Variants in PCDH15 observed in about 807,000 individuals in gnomAD.
PCDH15 encodes the protein protocadherin-15.
PCDH15 carries 129 observed loss-of-function variants against 178.5 expected under a neutral mutation model. That is an observed-to-expected ratio of 0.72 (90% CI 0.63 to 0.84). The LOEUF (loss-of-function observed/expected upper bound fraction) is 0.84, where lower values mean the gene tolerates loss of function less well. Among genes scored for constraint, PCDH15 ranks in the 40% least tolerant of loss-of-function variants. PCDH15 has a pLI of 0.00. For missense variants in PCDH15, 2,230 were observed against 2,099.9 expected, an observed-to-expected ratio of 1.06 and a Z score of -1.21; for synonymous variants, 800 against 732.0, an observed-to-expected ratio of 1.09 and a Z score of -1.50.
At chr10:54,577,526 T>C (rs560335943) in intron 2 of PCDH15, among the ~76,000 whole-genome samples, 3 of 151,408 alleles carry the variant, frequency 2.0e-5, no homozygotes, top group East Asian at 1.9e-4. Flanking sequence ...TTGGTGAGAA[T>C]ACAAAAAAGG....
intron 2 of PCDH15, among the ~76,000 whole-genome samples, chr10:54,990,231 G>T (rs10825421): frequency 0.33 from 50,709 of 152,068 alleles, 9,655 homozygotes; most frequent in African/African-American, 0.51. Flanking sequence ...AATAAACTCT[G>T]CAGTAAATAT....
intron 28 of PCDH15, among the ~76,000 whole-genome samples, chr10:53,851,722 A>ATATATATATT (rs1262823062): frequency 1.8e-5 from 2 of 108,998 alleles, no homozygotes; most frequent in Non-Finnish European, 2.0e-5. Flanking sequence ...ATATATATAT[A>ATATATATATT]TTTACACACA....
At chr10:54,103,386 C>T (rs969835773) in intron 15 of PCDH15, among the ~76,000 whole-genome samples, 1 of 152,188 alleles carries the variant, frequency 6.6e-6, no homozygotes, top group African/African-American at 2.4e-5. Context: ...TTGAGCGCCA[C>T]CACTTGGCCC....
intron 28 of PCDH15, among the ~76,000 whole-genome samples, chr10:53,844,241 T>C (rs575049966): frequency 6.6e-6 from 1 of 152,072 alleles, no homozygotes; most frequent in Admixed American, 6.6e-5. Flanking sequence ...AGTAATATGA[T>C]CTACCTTACA....
chr10:53,910,414 A>C (rs1047729001), intron 25 of PCDH15, among the ~76,000 whole-genome samples: 4 of 152,204 alleles, frequency 2.6e-5, no homozygotes, highest in African/African-American at 9.6e-5. Flanking sequence ...CTTGCAGCTA[A>C]GGGACCTGAC....
At chr10:54,214,100 G>A (rs766089022) in intron 9 of PCDH15, 52 bp from the exon 10 acceptor site, 20 of 977,142 alleles carry the variant, frequency 2.0e-5, no homozygotes, top group Admixed American at 5.1e-5. Context: ...AGTAATATGT[G>A]TATCTGCTTT....
intron 2 of PCDH15, among the ~76,000 whole-genome samples, chr10:54,929,780 A>G (rs1057179778): frequency 6.6e-6 from 1 of 152,218 alleles, no homozygotes; most frequent in Admixed American, 6.5e-5. Flanking sequence ...CATAGCAACA[A>G]TCAGCTGGAG....
At chr10:54,897,102 AT>A (rs1333491704) in intron 3 of PCDH15, among the ~76,000 whole-genome samples, 1 of 152,204 alleles carries the variant, frequency 6.6e-6, no homozygotes, top group African/African-American at 2.4e-5. Context: ...CATGAGTTAC[AT>A]TCTGTGTATG....
At chr10:53,847,888 T>G (rs1416383943) in intron 28 of PCDH15, among the ~76,000 whole-genome samples, 1 of 152,220 alleles carries the variant, frequency 6.6e-6, no homozygotes, top group Non-Finnish European at 1.5e-5. Flanking sequence ...ACTTCTGTTT[T>G]TCTTTGGAAT....
chr10:53,863,951 A>C (rs2079274936), intron 27 of PCDH15, among the ~76,000 whole-genome samples: 1 of 152,104 alleles, frequency 6.6e-6, no homozygotes, highest in Admixed American at 6.6e-5. Flanking sequence ...CTTTAGTATT[A>C]TTTTTCTGTG....
At chr10:55,521,133 T>C (rs918430103) in intron 2 of PCDH15, among the ~76,000 whole-genome samples, 1 of 151,992 alleles carries the variant, frequency 6.6e-6, no homozygotes, top group Admixed American at 6.6e-5. Context: ...GTTTATTTGA[T>C]GTTGTTTTTA....
At chr10:53,993,212 A>T (rs16937855) in intron 21 of PCDH15, among the ~76,000 whole-genome samples, 17,086 of 152,238 alleles carry the variant, frequency 0.11, 2,612 homozygotes, top group African/African-American at 0.35. Context: ...TCTTGGAGAT[A>T]TTAAGAATTT....
At chr10:54,487,570 G>A (rs2079200776) in intron 3 of PCDH15, among the ~76,000 whole-genome samples, 1 of 151,958 alleles carries the variant, frequency 6.6e-6, no homozygotes, top group Non-Finnish European at 1.5e-5. Flanking sequence ...CTCATGAGTG[G>A]TGTCTTTCAG....
chr10:54,293,497 C>T (rs1477777349), intron 8 of PCDH15, among the ~76,000 whole-genome samples: 1 of 152,126 alleles, frequency 6.6e-6, no homozygotes, highest in Non-Finnish European at 1.5e-5. Flanking sequence ...AGCTTCTGCA[C>T]AGCAAAAGAA....
chr10:55,125,677 G>A (rs1257832334), intron 2 of PCDH15, among the ~76,000 whole-genome samples: 1 of 152,040 alleles, frequency 6.6e-6, no homozygotes, highest in Admixed American at 6.6e-5. Flanking sequence ...GGTCTTCATG[G>A]TACCAATGTC....
At chr10:54,363,474 A>T (rs1255385685) in intron 5 of PCDH15, among the ~76,000 whole-genome samples, 3 of 152,194 alleles carry the variant, frequency 2.0e-5, no homozygotes, top group Non-Finnish European at 4.4e-5. Flanking sequence ...TTTAAGAAAG[A>T]CAAATGAAAC....
chr10:54,516,580 C>A (rs2082245631), intron 3 of PCDH15, among the ~76,000 whole-genome samples: 1 of 152,192 alleles, frequency 6.6e-6, no homozygotes, highest in Admixed American at 6.5e-5. Context: ...AAATCTACGT[C>A]TGACTGGTGT....
At chr10:54,978,987 T>C (rs942782705) in intron 2 of PCDH15, among the ~76,000 whole-genome samples, 2 of 152,208 alleles carry the variant, frequency 1.3e-5, no homozygotes, top group African/African-American at 2.4e-5. Context: ...CTATAAGTGC[T>C]ATAATAAAAT....
At chr10:54,446,246 T>C (rs189266852) in intron 3 of PCDH15, among the ~76,000 whole-genome samples, 3 of 151,786 alleles carry the variant, frequency 2.0e-5, no homozygotes, top group Non-Finnish European at 3.0e-5. Context: ...TTTTCTGTTA[T>C]GAAGGTTGAA....
Sources: allele counts gnomAD v4.1 joint callset (sites outside exome capture counted in the v4.1 genomes callset), GRCh38; gene constraint gnomAD v4.1.1; transcripts MANE v1.5; gene names NCBI Gene and HGNC (gene_info 2026-07-23, HGNC 2026-07-21).